SSBP2: variants seen among roughly 807,000 people sequenced by gnomAD.
The protein encoded by SSBP2 is single-stranded DNA-binding protein 2.
SSBP2 carries 17 observed loss-of-function variants against 61.8 expected under a neutral mutation model. The ratio of observed to expected loss-of-function variants is 0.28; its 90% CI spans 0.19 to 0.41. The LOEUF (loss-of-function observed/expected upper bound fraction) is 0.41. Ranked by LOEUF, SSBP2 falls within the 10% of genes least tolerant of loss-of-function variation. The probability of loss-of-function intolerance (pLI) is 1.00; values close to 1 mark genes in which losing one functional copy is unlikely to be tolerated. For synonymous variants in SSBP2, 139 were observed against 141.3 expected (o/e 0.98, Z 0.12); for missense variants, 310 against 458.7 (o/e 0.68, Z 2.96).
At chr5:81,489,197 A>G in intron 6 of SSBP2, 53 bp downstream of exon 6, 1 of 1,408,620 alleles carries the variant, frequency 7.1e-7, no homozygotes, top group East Asian at 2.3e-5. Flanking sequence ...TATATGTGAC[A>G]TTTTCAAGAT....
At chr5:81,605,234 A>G (rs1380753615) in intron 4 of SSBP2, among the ~76,000 whole-genome samples, 1 of 152,130 alleles carries the variant, frequency 6.6e-6, no homozygotes, top group Non-Finnish European at 1.5e-5. Flanking sequence ...TACAGTGTCT[A>G]TCTTCTTATA....
chr5:81,666,673 C>T (rs1393211342), intron 1 of SSBP2, among the ~76,000 whole-genome samples: 2 of 152,108 alleles, frequency 1.3e-5, no homozygotes, highest in African/African-American at 2.4e-5. Context: ...TTCAATCTTG[C>T]TTAGCAGTAT....
At chr5:81,673,500 G>A (rs752377580) in intron 1 of SSBP2, among the ~76,000 whole-genome samples, 1 of 152,102 alleles carries the variant, frequency 6.6e-6, no homozygotes, top group Non-Finnish European at 1.5e-5. Flanking sequence ...CATATGAAAA[G>A]ACAGGTTTTA....
intron 3 of SSBP2, among the ~76,000 whole-genome samples, chr5:81,626,063 C>T (rs1166946093): frequency 6.6e-6 from 1 of 152,184 alleles, no homozygotes; most frequent in African/African-American, 2.4e-5. Flanking sequence ...GAAAACTATC[C>T]TATCCATTCA....
At chr5:81,440,513 G>A (rs1367362248) in intron 14 of SSBP2, 45 bp downstream of exon 14, 1 of 1,539,690 alleles carries the variant, frequency 6.5e-7, no homozygotes, top group African/African-American at 1.4e-5. Flanking sequence ...TAGAATTAAG[G>A]TTTTGTTATG....
chr5:81,628,325 TC>T, intron 3 of SSBP2, among the ~76,000 whole-genome samples: 1 of 152,288 alleles, frequency 6.6e-6, no homozygotes, highest in African/African-American at 2.4e-5. Flanking sequence ...GGAATCGCCC[TC>T]ATGATTCAAT....
intron 1 of SSBP2, among the ~76,000 whole-genome samples, chr5:81,680,068 G>A (rs561305764): frequency 6.6e-5 from 10 of 151,392 alleles, no homozygotes; most frequent in South Asian, 6.3e-4. Context: ...AACAGAAACC[G>A]TTCCCAACAC....
At chr5:81,728,825 C>T (rs1042869391) in intron 1 of SSBP2, among the ~76,000 whole-genome samples, 6 of 152,196 alleles carry the variant, frequency 3.9e-5, no homozygotes, top group African/African-American at 9.7e-5. Context: ...ATGAAACCAA[C>T]GCATCTACTG....
chr5:81,474,429 C>T, intron 7 of SSBP2, 67 bp downstream of exon 7: 1 of 1,401,074 alleles, frequency 7.1e-7, no homozygotes, highest in Non-Finnish European at 1.0e-6. Context: ...TACAATTTTC[C>T]TTAAGAGATA....
intron 4 of SSBP2, among the ~76,000 whole-genome samples, chr5:81,566,328 A>G (rs1773420898): frequency 6.6e-6 from 1 of 152,164 alleles, no homozygotes; most frequent in Admixed American, 6.5e-5. Flanking sequence ...CTGGTAGGAG[A>G]TAACTGAATC....
intron 4 of SSBP2, among the ~76,000 whole-genome samples, chr5:81,614,338 A>C (rs974563319): frequency 7.6e-6 from 1 of 132,412 alleles, no homozygotes; most frequent in Non-Finnish European, 1.5e-5. Flanking sequence ...CCAACCTGGG[A>C]GACACAGCGA....
intron 4 of SSBP2, 59 bp downstream of exon 4, chr5:81,615,414 G>A (rs552849565): frequency 1.7e-6 from 2 of 1,210,832 alleles, no homozygotes; most frequent in East Asian, 4.7e-5. Context: ...TATTTTTTAA[G>A]AGCAGTGGTT....
At chr5:81,605,668 C>T (rs1428203272) in intron 4 of SSBP2, among the ~76,000 whole-genome samples, 1 of 151,964 alleles carries the variant, frequency 6.6e-6, no homozygotes, top group Non-Finnish European at 1.5e-5. Flanking sequence ...TTTAGTCTTG[C>T]TATTACTTTA....
chr5:81,439,051 G>A (rs1762846132), intron 14 of SSBP2, among the ~76,000 whole-genome samples: 1 of 152,150 alleles, frequency 6.6e-6, no homozygotes, highest in South Asian at 2.1e-4. Context: ...AAATAAGTAT[G>A]AATTCTTAAA....
At chr5:81,486,120 A>G (rs1327622337) in intron 6 of SSBP2, among the ~76,000 whole-genome samples, 1 of 152,174 alleles carries the variant, frequency 6.6e-6, no homozygotes, top group Non-Finnish European at 1.5e-5. Context: ...AGAATCCCTG[A>G]GAGAAGAGTA....
At chr5:81,644,408 A>C (rs543620631) in intron 2 of SSBP2, among the ~76,000 whole-genome samples, 58 of 152,182 alleles carry the variant, frequency 3.8e-4, no homozygotes, top group Non-Finnish European at 6.3e-4. Context: ...TCTTAGGAAG[A>C]AGCTCGGGGG....
intron 6 of SSBP2, among the ~76,000 whole-genome samples, chr5:81,486,341 T>C (rs558379739): frequency 1.3e-5 from 2 of 152,324 alleles, no homozygotes; most frequent in South Asian, 4.1e-4. Context: ...TTCATTTTGT[T>C]AGTCTCTACG....
intron 1 of SSBP2, among the ~76,000 whole-genome samples, chr5:81,709,864 A>C (rs1007707231): frequency 6.6e-6 from 1 of 152,024 alleles, no homozygotes; most frequent in African/African-American, 2.4e-5. Flanking sequence ...CATGCTATTT[A>C]GAAGTCAGTT....
chr5:81,501,538 T>G (rs1340703526), intron 5 of SSBP2, among the ~76,000 whole-genome samples: 3 of 149,082 alleles, frequency 2.0e-5, no homozygotes, highest in Admixed American at 6.7e-5. Flanking sequence ...TTCCCTGGTG[T>G]TGTTTCCTTT....
Sources: gnomAD v4.1 joint callset for allele counts (sites outside exome capture counted in the v4.1 genomes callset) on GRCh38, gnomAD v4.1.1 for gene constraint, MANE v1.5 for transcripts, NCBI Gene and HGNC (gene_info 2026-07-23, HGNC 2026-07-21) for gene names.